MIER2: variants seen among roughly 807,000 people sequenced by gnomAD.
MIER2 encodes MIER family member 2.
In MIER2, 30 loss-of-function variants were observed where a neutral mutation model predicts 67.6. That is an observed-to-expected ratio of 0.44 (90% CI 0.33 to 0.60). The LOEUF (loss-of-function observed/expected upper bound fraction) is 0.60. MIER2 is among the 20% of genes least tolerant of loss of function. The pLI, the probability that MIER2 is intolerant of heterozygous loss-of-function variation, is 0.02. For missense variants in MIER2, 702 were observed against 745.1 expected (o/e 0.94, Z 0.67); for synonymous variants, 372 against 312.6 (o/e 1.19, Z -2.00).
Position 308,596 on chromosome 19 carries a change from G to T in MIER2, c.1179C>A (p.Thr393=). The T allele has an allele frequency of 6.2e-7, 1 of 1,606,188 alleles. No homozygotes were observed. ...CCTCACCTGTGCGCATCCCAGTCAGGGTGTCTTGCTCCGGGCGCGGACGGC... is the reference window on the plus strand; with the variant it reads ...CCTCACCTGTGCGCATCCCAGTCAGTGTGTCTTGCTCCGGGCGCGGACGGC... The part of the protein sequence containing the change: ...GPGRPRPEQD[T]LTGMRTDPLS... The change falls in exon 12 of 14, where the codon ACC becomes ACA. Residue 393 remains threonine, a synonymous_variant. Transcript: ENST00000264819. This position sits in a 1 kb window ranked among gnomAD's most constrained non-coding sequence, Gnocchi z 9.1.
intron 9 of MIER2, 24 bp from the exon 10 acceptor site, chr19:311,963 G>T: frequency 6.2e-7 from 1 of 1,609,414 alleles, no homozygotes; most frequent in Non-Finnish European, 8.5e-7. Flanking sequence ...CGGGGAGAAC[G>T]GTCAGTGGTG....
chr19:315,009 G>A (rs923060252), intron 7 of MIER2, among the ~76,000 whole-genome samples: 2 of 152,110 alleles, frequency 1.3e-5, no homozygotes, highest in Non-Finnish European at 1.5e-5. Flanking sequence ...GTTGCAATGA[G>A]CCATGATTGC....
chr19:317,531 A>AAAAAAAATAAAT (rs1568222995), intron 7 of MIER2, among the ~76,000 whole-genome samples: 1 of 143,928 alleles, frequency 6.9e-6, no homozygotes, highest in East Asian at 2.1e-4. Flanking sequence ...TGTCTCAGAA[A>AAAAAAAATAAAT]AAATAAATAA....
intron 3 of MIER2, among the ~76,000 whole-genome samples, chr19:328,919 A>G (rs1055819152): frequency 3.1e-4 from 47 of 152,244 alleles, no homozygotes; most frequent in African/African-American, 9.9e-4. Flanking sequence ...CCAATGTAAT[A>G]TGACAAGAAG....
intron 10 of MIER2, among the ~76,000 whole-genome samples, chr19:309,190 T>C (rs1312328804): frequency 2.6e-5 from 4 of 152,078 alleles, no homozygotes; most frequent in Non-Finnish European, 5.9e-5. Context: ...TTGAGACCCC[T>C]TTCCCTTCTG....
intron 3 of MIER2, among the ~76,000 whole-genome samples, chr19:329,119 CCT>C (rs1817197058): frequency 6.6e-6 from 1 of 152,062 alleles, no homozygotes; most frequent in South Asian, 2.1e-4. Context: ...CGGAACACTC[CCT>C]CTCATTCTCT....
At chr19:327,425 G>GACACGTGGGAGCCC (rs1971812750) in intron 4 of MIER2, among the ~76,000 whole-genome samples, 169 bp from the exon 5 acceptor site, 1 of 152,242 alleles carries the variant, frequency 6.6e-6, no homozygotes, top group South Asian at 2.1e-4. Context: ...ATGGGAAGGA[G>GACACGTGGGAGCCC]ACACGTGGGA....
intron 2 of MIER2, 88 bp downstream of exon 2, chr19:335,995 C>A: frequency 7.6e-7 from 1 of 1,321,654 alleles, no homozygotes; most frequent in South Asian, 1.3e-5. Flanking sequence ...TGCCGGTCCA[C>A]AGCTCAGCCA....
At chr19:323,460 G>A (rs889124502) in intron 7 of MIER2, among the ~76,000 whole-genome samples, 7 of 150,316 alleles carry the variant, frequency 4.7e-5, no homozygotes, top group Non-Finnish European at 8.9e-5. Context: ...CAGACGACTC[G>A]AATGACACAG....
intron 7 of MIER2, among the ~76,000 whole-genome samples, chr19:322,229 G>C (rs1971533005): frequency 6.6e-6 from 1 of 152,086 alleles, no homozygotes; most frequent in African/African-American, 2.4e-5. Flanking sequence ...TGTAAACTAA[G>C]TTGGATCACA....
chr19:317,484 G>A lies in MIER2; in HGVS notation c.656-3841C>T, dbSNP rs546953939. ...GGAGCTTGCAGTGAGCTGAGATCGC[G>A]CCACTGCACTCCAACCTGGGTGACA... On this transcript the variant is annotated intron_variant, in intron 7 of 13. Coordinates refer to ENST00000264819, the MANE Select transcript of MIER2 (RefSeq NM_017550.3). Among the ~76,000 whole-genome samples the A allele has an allele frequency of 4.5e-3, 680 of 151,122 alleles. 8 individuals are homozygous for A. Among genetic ancestry groups the A allele is most frequent in the African/African-American group, 0.015 (625 of 41,070 alleles).
chr19:316,010 C>T (rs910317220), intron 7 of MIER2, among the ~76,000 whole-genome samples: 4 of 152,174 alleles, frequency 2.6e-5, no homozygotes, highest in African/African-American at 9.7e-5. Flanking sequence ...TCAACAGAAA[C>T]GATGACAGCC....
intron 7 of MIER2, 53 bp downstream of exon 7, chr19:325,582 G>C: frequency 6.3e-7 from 1 of 1,598,586 alleles, no homozygotes; most frequent in Non-Finnish European, 8.6e-7. Context: ...GTCCAGCCAG[G>C]CCACTCCCCT....
chr19:310,886 C>G (rs1349535434), intron 10 of MIER2, among the ~76,000 whole-genome samples: 1 of 152,184 alleles, frequency 6.6e-6, no homozygotes, highest in East Asian at 1.9e-4. Flanking sequence ...AGAAACTTGA[C>G]AGGGGCTCCA....
intron 1 of MIER2, chr19:343,794 C>T (rs886264060): frequency 5.2e-5 from 51 of 975,192 alleles, no homozygotes; most frequent in Non-Finnish European, 5.8e-5. Flanking sequence ...CTCGCAGCCG[C>T]CGCACCTTCA....
intron 1 of MIER2, chr19:344,005 C>G (rs79196409): frequency 0.082 from 80,624 of 985,400 alleles, 3,884 homozygotes; most frequent in African/African-American, 0.2. Flanking sequence ...GTCCAAAATC[C>G]CACAGATCCT....
rs192233036 is a variant in MIER2, at chr19:334,872, G to C, written c.101-330C>G. Among the ~76,000 whole-genome samples, 19 of 152,332 alleles carry C rather than the reference G, an allele frequency of 1.2e-4. 1 individual carries two copies. The highest frequency in any genetic ancestry group is 2.1e-4 in the Non-Finnish European group (14 of 68,038). ...GACCAACACCCATCTCGTTAGGGTAGAAGGAGCAGCAGGACTCAGTCGAGG... is the reference window on the plus strand; with the variant it reads ...GACCAACACCCATCTCGTTAGGGTACAAGGAGCAGCAGGACTCAGTCGAGG... On this transcript the variant is annotated intron_variant, in intron 2 of 13. Coordinates refer to ENST00000264819, the MANE Select transcript of MIER2 (RefSeq NM_017550.3).
chr19:328,274 C>T (rs1342334256), intron 3 of MIER2, among the ~76,000 whole-genome samples: 2 of 152,066 alleles, frequency 1.3e-5, no homozygotes, highest in Non-Finnish European at 2.9e-5. Flanking sequence ...TACAGGAATA[C>T]AAGGATGGTG....
chr19:331,751 G>C (rs1241159856), intron 3 of MIER2, among the ~76,000 whole-genome samples: 1 of 151,980 alleles, frequency 6.6e-6, no homozygotes, highest in Non-Finnish European at 1.5e-5. Flanking sequence ...GGGAGGCCGA[G>C]GTGGGCAGAT....
Sources: gnomAD v4.1 joint callset for allele counts (sites outside exome capture counted in the v4.1 genomes callset) on GRCh38, gnomAD v4.1.1 for gene constraint, Gnocchi (gnomAD v3.1) non-coding constraint, MANE v1.5 for transcripts, NCBI Gene and HGNC (gene_info 2026-07-23, HGNC 2026-07-21) for gene names.